Variants in PTPRN2 observed in about 807,000 individuals in gnomAD.
PTPRN2 encodes the protein protein tyrosine phosphatase receptor type N2.
A neutral mutation model predicts 118.8 loss-of-function variants in PTPRN2; 74 were observed. The ratio of observed to expected loss-of-function variants is 0.62; its 90% CI spans 0.52 to 0.76. The LOEUF is 0.76. Ranked by LOEUF, PTPRN2 falls within the 30% of genes least tolerant of loss-of-function variation. The pLI, the probability that PTPRN2 is intolerant of heterozygous loss-of-function variation, is 0.00. For synonymous variants in PTPRN2, 641 were observed against 608.0 expected (o/e 1.05, Z -0.80); for missense variants, 1,481 against 1,394.4 (o/e 1.06, Z -0.99).
chr7:157,776,411 C>G lies in PTPRN2; in HGVS notation c.1789-93474G>C, dbSNP rs371505380. ...CCTCCTCCTCCATCTCCTCCTCCTCCTCCTCTTCCTCCCTCCTCTGTCTCT... is the reference window on the plus strand; with the variant it reads ...CCTCCTCCTCCATCTCCTCCTCCTCGTCCTCTTCCTCCCTCCTCTGTCTCT... On this transcript the variant is annotated intron_variant, in intron 12 of 22. Transcript: ENST00000389418. Among the ~76,000 whole-genome samples, 30 of 108,412 alleles carry G rather than the reference C, an allele frequency of 2.8e-4. No homozygotes were observed. The East Asian group carries it at 8.4e-3, about 30-fold the overall frequency. 71.1% of individuals were successfully genotyped at this position (108,412 alleles called of 152,430 possible).
intron 11 of PTPRN2, among the ~76,000 whole-genome samples, chr7:157,997,861 G>C (rs1226422422): frequency 8.1e-6 from 1 of 123,732 alleles, no homozygotes; most frequent in East Asian, 2.5e-4. Context: ...GTGCAGGGCT[G>C]GGGGAGAGTA....
At chr7:157,913,915 T>A (rs1201713194) in intron 11 of PTPRN2, among the ~76,000 whole-genome samples, 1 of 152,226 alleles carries the variant, frequency 6.6e-6, no homozygotes, top group East Asian at 1.9e-4. Flanking sequence ...ATAACTTGCT[T>A]ATAAAATATG....
chr7:158,444,891 G>A (rs781310207), intron 2 of PTPRN2, among the ~76,000 whole-genome samples: 8 of 152,182 alleles, frequency 5.3e-5, no homozygotes, highest in South Asian at 2.1e-4. Context: ...CTCAGGGCCC[G>A]CTCTCTTTCA....
chr7:158,310,752 C>A (rs1166787688), intron 3 of PTPRN2, among the ~76,000 whole-genome samples: 3 of 148,476 alleles, frequency 2.0e-5, no homozygotes, highest in Non-Finnish European at 4.5e-5. Context: ...AAGCCCTGAG[C>A]CGGACAGAGC....
chr7:158,048,156 G>A (rs574888845), intron 11 of PTPRN2, among the ~76,000 whole-genome samples: 1 of 147,300 alleles, frequency 6.8e-6, no homozygotes, highest in African/African-American at 2.5e-5. Context: ...CACACACACA[G>A]GTCAGTACCA....
rs1232441065 is a variant in PTPRN2 at position 157,560,445 on chromosome 7, G to A, written c.2902+8457C>T. 6.6e-6 allele frequency among the ~76,000 whole-genome samples: 1 copy of A among 152,196 alleles called. No homozygotes were observed. Among genetic ancestry groups the A allele is most frequent in the Non-Finnish European group, 1.5e-5 (1 of 68,018 alleles). ...CGACACCAGGGTCCGCCTGTGCCCT[G>A]CCTGGGTGGGGTCAGCCACGCCCCC... is the stretch of plus-strand genomic sequence containing the variant. On this transcript the variant is annotated intron_variant, in intron 21 of 22. Transcript: ENST00000389418. This position sits in a 1 kb window ranked among gnomAD's most constrained non-coding sequence, Gnocchi z 6.7.
chr7:157,732,159 C>T (rs866754791), intron 12 of PTPRN2, among the ~76,000 whole-genome samples: 115 of 77,130 alleles, frequency 1.5e-3, no homozygotes, highest in Non-Finnish European at 2.5e-3. Context: ...GTTACCCTTT[C>T]CCGTCCCATG....
chr7:157,765,437 A>T (rs1436365453), intron 12 of PTPRN2, among the ~76,000 whole-genome samples: 1 of 141,442 alleles, frequency 7.1e-6, no homozygotes, highest in East Asian at 2.2e-4. Context: ...TTCTTCCTCC[A>T]TCTGTCCACC....
intron 3 of PTPRN2, among the ~76,000 whole-genome samples, chr7:158,283,875 C>T (rs1799597186): frequency 6.6e-6 from 1 of 152,136 alleles, no homozygotes. Flanking sequence ...ATCACCACGT[C>T]GTTCAGAATC....
In PTPRN2 at chr7:157,615,668, A is replaced by G. The variant is rs1245868212; in HGVS notation, c.2344+5694T>C. The stretch of plus-strand genomic sequence containing the variant: ...TTTATCAATGACTTGACGACGTGAA[A>G]AACATGTTTATAAAACGAGCAGATG... On this transcript the variant is annotated intron_variant, in intron 15 of 22. Transcript: ENST00000389418. This position sits in a 1 kb window ranked among gnomAD's most constrained non-coding sequence, Gnocchi z 4.3. 7 of 460,018 alleles carry G rather than the reference A, an allele frequency of 1.5e-5. No individual in the cohort carries two copies. The highest frequency in any genetic ancestry group is 3.2e-5 in the Non-Finnish European group (7 of 218,276). 28.5% of individuals were successfully genotyped at this position (460,018 alleles called of 1,614,324 possible).
intron 11 of PTPRN2, among the ~76,000 whole-genome samples, chr7:157,943,265 T>C (rs549943944): frequency 1.1e-4 from 16 of 152,294 alleles, no homozygotes; most frequent in Non-Finnish European, 4.4e-5. Flanking sequence ...CAAAGAACTT[T>C]GGGGCTTTGC....
chr7:157,810,525 A>G (rs1442866142), intron 12 of PTPRN2, among the ~76,000 whole-genome samples: 12 of 82,730 alleles, frequency 1.5e-4, no homozygotes, highest in South Asian at 4.5e-4. Context: ...GACTGCTGGG[A>G]GCTGGGTTCT....
intron 14 of PTPRN2, 70 bp downstream of exon 14, chr7:157,656,287 G>T: frequency 1.1e-5 from 16 of 1,430,218 alleles, no homozygotes; most frequent in Non-Finnish European, 1.5e-5. Context: ...CGCAGATGCT[G>T]GGTGTTGCAG....
intron 11 of PTPRN2, among the ~76,000 whole-genome samples, chr7:158,019,989 A>G (rs935822130): frequency 1.9e-4 from 29 of 152,288 alleles, no homozygotes; most frequent in Non-Finnish European, 2.9e-4. Context: ...GTCCTGCTCC[A>G]AACCACACCG....
chr7:158,110,820 C>G lies in PTPRN2; in HGVS notation c.1643+9G>C, dbSNP rs375649197. On this transcript the variant is annotated intron_variant, in intron 10 of 22. Transcript: ENST00000389418. ...GAGCCAAACAGAAACCCCAGGGCCC[C>G]GTACTTACTCCACGTCAGCGAACGC... 2 of 1,575,878 alleles carry G rather than the reference C, an allele frequency of 1.3e-6. No homozygotes were observed. The highest frequency in any genetic ancestry group is 1.7e-6 in the Non-Finnish European group (2 of 1,159,854).
Position 157,682,870 on chromosome 7 carries a change from G to T in PTPRN2, c.1856C>A (p.Thr619Asn). The T allele has an allele frequency of 6.2e-7, 1 of 1,614,066 alleles. No individual in the cohort carries two copies. The highest frequency in any genetic ancestry group is 8.5e-7 in the Non-Finnish European group (1 of 1,179,984). ...CAGGATGCAGGCGAGGGAGACCAGG[G>T]TGAGCGCGATGAACTTGGTGGAGTC... ...QEDSTKFIALTLVSLACILGV... is the reference protein window; with the variant it reads ...QEDSTKFIALNLVSLACILGV... The change falls in exon 13 of 23, where the codon ACC becomes AAC. Residue 619 changes from threonine (T) to asparagine (N), a missense_variant. Around this residue, in one of 3 missense-constraint regions of PTPRN2, gnomAD observed 1,115 missense variants for 994.2 expected, o/e 1.12. Transcript: ENST00000389418.
intron 1 of PTPRN2, among the ~76,000 whole-genome samples, chr7:158,537,151 C>G (rs977629570): frequency 6.6e-6 from 1 of 152,208 alleles, no homozygotes; most frequent in African/African-American, 2.4e-5. Flanking sequence ...CTGCTGGCAC[C>G]TTGACCCCAC....
At chr7:158,092,955 C>T (rs926398337) in intron 10 of PTPRN2, among the ~76,000 whole-genome samples, 6 of 152,190 alleles carry the variant, frequency 3.9e-5, no homozygotes, top group Admixed American at 1.3e-4. Context: ...ATTTGGCAAT[C>T]GCTATTTTAT....
intron 12 of PTPRN2, among the ~76,000 whole-genome samples, chr7:157,842,100 T>C (rs532627711): frequency 1.1e-4 from 16 of 152,272 alleles, no homozygotes; most frequent in Non-Finnish European, 2.4e-4. Context: ...ACTGGAACCA[T>C]GCATCCATTT....
Sources: gnomAD v4.1 joint callset for allele counts (sites outside exome capture counted in the v4.1 genomes callset) on GRCh38, gnomAD v4.1.1 for gene constraint, gnomAD v4.1.1 regional missense constraint, Gnocchi (gnomAD v3.1) non-coding constraint, MANE v1.5 for transcripts, NCBI Gene and HGNC (gene_info 2026-07-23, HGNC 2026-07-21) for gene names.